Variants in PLEKHG4B observed in about 807,000 individuals in gnomAD.
PLEKHG4B encodes pleckstrin homology domain-containing family G member 4B.
Under a neutral mutation model 121.3 loss-of-function variants are expected in PLEKHG4B, and 111 were observed. The ratio of observed to expected loss-of-function variants is 0.92; its 90% confidence interval spans 0.78 to 1.07. The LOEUF is 1.07. PLEKHG4B is among the 50% of genes least tolerant of loss of function. The probability of loss-of-function intolerance (pLI) is 0.00; values close to 1 mark genes in which losing one functional copy is unlikely to be tolerated. For synonymous variants in PLEKHG4B, 738 were observed against 725.0 expected (o/e 1.02, Z -0.29); for missense variants, 1,831 against 1,757.8 (o/e 1.04, Z -0.74).
At position 113,516 on chromosome 5, in the gene PLEKHG4B, G is replaced by C; in HGVS notation, c.243+68G>C. The stretch of plus-strand genomic sequence containing the variant: ...AGGAACCTGCCCTTTCCCTGGGCAG[G>C]GCAGGAATTGGGCCCATCAGGGCAC... On this transcript the variant is annotated intron_variant, in intron 2 of 19. Coordinates refer to ENST00000637938, the MANE Select transcript of PLEKHG4B (RefSeq NM_052909.5). This position sits in a 1 kb window ranked among gnomAD's most constrained non-coding sequence, Gnocchi z 5.2. The C allele has an allele frequency of 2.5e-6, 1 of 398,790 alleles. No homozygotes were observed. The allele number at this position is 398,790 out of a possible 1,614,324, so 24.7% of individuals were successfully genotyped here. A position where few individuals can be genotyped will look rare whatever the true frequency, so the allele number is the denominator to read the frequency against.
intron 1 of PLEKHG4B, among the ~76,000 whole-genome samples, chr5:92,525 C>T (rs1351555668): frequency 1.2e-4 from 1 of 8,316 alleles, no homozygotes; most frequent in Non-Finnish European, 2.4e-4. Flanking sequence ...TCAAGGCGGG[C>T]GGGCGCGGGG....
rs1735109007 is a variant in PLEKHG4B at position 140,094 on chromosome 5, C to A, written c.855C>A (p.Asp285Glu). The change falls in exon 3 of 20, where the codon GAC becomes GAA. Residue 285 changes from aspartate (D) to glutamate (E), a missense_variant. Asp to Glu is a conservative substitution (Grantham distance 45, BLOSUM62 2). Transcript: ENST00000637938. ...CCAGGACCCTGTCTGGAAGCTCAGA[C>A]AGGGACTTCGAAAAGGTCAGCCCCT... ...GSPRTLSGSS[D>E]RDFEKVSPSE... The A allele has an allele frequency of 2.1e-6, 1 of 486,592 alleles. No individual in the cohort carries two copies. The highest frequency in any genetic ancestry group is 3.6e-6 in the Non-Finnish European group (1 of 280,036). The allele number at this position is 486,592 out of a possible 1,614,324, so 30.1% of individuals were successfully genotyped here. A position where few individuals can be genotyped will look rare whatever the true frequency, so the allele number is the denominator to read the frequency against.
At chr5:162,055 C>T in intron 12 of PLEKHG4B, 111 bp downstream of exon 12, 1 of 1,369,470 alleles carries the variant, frequency 7.3e-7, no homozygotes, top group Non-Finnish European at 9.6e-7. Flanking sequence ...GGGACAGAGG[C>T]CGGGCACCTG....
chr5:162,072 AG>A, intron 12 of PLEKHG4B, 128 bp downstream of exon 12: 1 of 1,239,904 alleles, frequency 8.1e-7, no homozygotes, highest in South Asian at 1.6e-5. Flanking sequence ...CCTGCGATGG[AG>A]CCCCCCTGGC....
At chr5:146,247 C>T (rs565059740) in intron 6 of PLEKHG4B, among the ~76,000 whole-genome samples, 1 of 110,364 alleles carries the variant, frequency 9.1e-6, no homozygotes, top group South Asian at 3.8e-4. Context: ...CCCCCACAGT[C>T]GTTCCACTTC....
rs377321841 is a variant in PLEKHG4B, at chr5:163,116, G to T, written c.3044G>T (p.Arg1015Leu). The T allele has an allele frequency of 1.3e-6, 2 of 1,563,752 alleles. No homozygotes were observed. The highest frequency in any genetic ancestry group is 1.2e-5 in the South Asian group (1 of 84,442). ...CAACCACTGTCCGGCCTCCCTGGAC[G>T]AGCGCTTCTGTGTGGACAGGACGGG... ...PAQPLSGLPG[R>L]ALLCGQDGET... The change falls in exon 13 of 20, where the codon CGA (arginine) becomes CTA (leucine). Residue 1015 changes from arginine (R) to leucine (L), a missense_variant. Coordinates refer to ENST00000637938, the MANE Select transcript of PLEKHG4B (RefSeq NM_052909.5).
chr5:189,202 G>A lies in PLEKHG4B; in HGVS notation c.*6879G>A, dbSNP rs2126480316. ...CCTGGTCCAGCAGGGACTCAGCAGT[G>A]CCTGCCAGCTGCAGACCCCCATGCT... On this transcript the variant is annotated 3_prime_UTR_variant, in exon 20 of 20. Transcript: ENST00000637938. 1 of 152,580 alleles carries A rather than the reference G, an allele frequency of 6.6e-6. No homozygotes were observed. The highest frequency in any genetic ancestry group is 6.5e-5 in the Admixed American group (1 of 15,304). The allele number at this position is 152,580 out of a possible 1,614,324, so 9.5% of individuals were successfully genotyped here.
chr5:101,561 GT>G, intron 1 of PLEKHG4B, among the ~76,000 whole-genome samples: 1 of 133,484 alleles, frequency 7.5e-6, no homozygotes, highest in Non-Finnish European at 1.5e-5. Context: ...TCTGGAAAAA[GT>G]CTGTAGGGGA....
rs947154221 is a variant in PLEKHG4B, at chr5:137,515, C to T, written c.244-1968C>T. The stretch of plus-strand genomic sequence containing the variant: ...CTTAACCCGGACCAGTTCCCTTCTA[C>T]AGTGAAGAAACCCTATGCATATTGG... On this transcript the variant is annotated intron_variant, in intron 2 of 19. Coordinates refer to ENST00000637938, the MANE Select transcript of PLEKHG4B (RefSeq NM_052909.5). This position sits in a 1 kb window ranked among gnomAD's most constrained non-coding sequence, Gnocchi z 4.2. Among the ~76,000 whole-genome samples the T allele has an allele frequency of 2.6e-5, 4 of 152,162 alleles. No homozygotes were observed. Among genetic ancestry groups the T allele is most frequent in the Non-Finnish European group, 5.9e-5 (4 of 68,024 alleles).
In PLEKHG4B at chr5:159,266, G is replaced by C. The variant is rs940692614; in HGVS notation, c.2487+2355G>C. Among the ~76,000 whole-genome samples the C allele has an allele frequency of 5.3e-5, 8 of 150,820 alleles. No individual in the cohort carries two copies. The highest frequency in any genetic ancestry group is 2.0e-4 in the African/African-American group (8 of 40,762). On this transcript the variant is annotated intron_variant, in intron 11 of 19. Coordinates refer to ENST00000637938, the MANE Select transcript of PLEKHG4B (RefSeq NM_052909.5). This position sits in a 1 kb window ranked among gnomAD's most constrained non-coding sequence, Gnocchi z 5.5. Reference sequence around the variant, plus strand: ...GCAGGTGTGCCTGAGGGTCGCCCAGGTGCACTGAGGGCAGGTGTGCCTGAG... The same window carrying C: ...GCAGGTGTGCCTGAGGGTCGCCCAGCTGCACTGAGGGCAGGTGTGCCTGAG...
intron 1 of PLEKHG4B, among the ~76,000 whole-genome samples, chr5:105,912 C>T (rs1733962837): frequency 6.6e-6 from 1 of 152,256 alleles, no homozygotes; most frequent in Non-Finnish European, 1.5e-5. Context: ...CCCGCCGCCT[C>T]TCTGTCCTGC....
chr5:151,699 T>C (rs1735611756), intron 7 of PLEKHG4B, 100 bp downstream of exon 7: 2 of 758,152 alleles, frequency 2.6e-6, no homozygotes, highest in Admixed American at 3.2e-5. Flanking sequence ...TAAGTTCTAA[T>C]TGCATCCATG....
intron 11 of PLEKHG4B, among the ~76,000 whole-genome samples, chr5:160,202 C>T (rs375704142): frequency 7.1e-4 from 108 of 152,368 alleles, no homozygotes; most frequent in African/African-American, 2.4e-3. Flanking sequence ...TGTGGGCATG[C>T]GCTGCAAGCT....
chr5:180,260 G>A (rs1211732428), intron 18 of PLEKHG4B, among the ~76,000 whole-genome samples: 1 of 152,196 alleles, frequency 6.6e-6, no homozygotes, highest in Non-Finnish European at 1.5e-5. Flanking sequence ...GGGACTGCAT[G>A]AAGTCCGCCT....
intron 1 of PLEKHG4B, among the ~76,000 whole-genome samples, chr5:99,933 G>C (rs1001075280): frequency 5.3e-5 from 8 of 152,082 alleles, no homozygotes; most frequent in African/African-American, 1.7e-4. Flanking sequence ...TATCATGAAA[G>C]GGTGTTGGAG....
chr5:128,347 C>T (rs1387483554), intron 2 of PLEKHG4B, among the ~76,000 whole-genome samples: 3 of 152,258 alleles, frequency 2.0e-5, no homozygotes, highest in African/African-American at 7.2e-5. Context: ...TGGAAAGTCA[C>T]AATCTGTATG....
intron 13 of PLEKHG4B, among the ~76,000 whole-genome samples, chr5:163,842 T>C (rs1736138854): frequency 6.6e-6 from 1 of 152,176 alleles, no homozygotes; most frequent in African/African-American, 2.4e-5. Flanking sequence ...TCAGCCCACT[T>C]ACAGAAAATT....
Position 155,409 on chromosome 5 carries a change from C to T in PLEKHG4B, c.2174C>T (p.Ser725Phe). The change falls in exon 9 of 20, where the codon TCC (serine) becomes TTC (phenylalanine). Residue 725 changes from serine to phenylalanine, a missense_variant. Transcript: ENST00000637938. Reference sequence around the variant, plus strand: ...ATTTTCCTACAGAATTCATTCTGCTCCCTGAACACCCACAGAACCCCAAGA... The same window carrying T: ...ATTTTCCTACAGAATTCATTCTGCTTCCTGAACACCCACAGAACCCCAAGA... The part of the protein sequence containing the change: ...AIIFLQNSFC[S>F]LNTHRTPRTA... 6.2e-7 allele frequency: 1 copy of T among 1,614,188 alleles called. No individual in the cohort carries two copies. The highest frequency in any genetic ancestry group is 1.1e-5 in the South Asian group (1 of 91,086).
intron 2 of PLEKHG4B, among the ~76,000 whole-genome samples, chr5:117,958 AAATC>A (rs1187720707): frequency 2.6e-5 from 4 of 152,212 alleles, no homozygotes; most frequent in African/African-American, 9.7e-5. Flanking sequence ...AAAATAAATG[AAATC>A]AATCAAATAG....
Sources: allele counts gnomAD v4.1 joint callset (sites outside exome capture counted in the v4.1 genomes callset), GRCh38; gene constraint gnomAD v4.1.1; non-coding constraint Gnocchi (gnomAD v3.1); transcripts MANE v1.5; gene names NCBI Gene and HGNC (gene_info 2026-07-23, HGNC 2026-07-21).